FILIP1: variants seen among roughly 807,000 people sequenced by gnomAD.
FILIP1 encodes filamin-A-interacting protein 1.
Under a neutral mutation model 102.1 loss-of-function variants are expected in FILIP1, and 61 were observed. That is an observed-to-expected ratio of 0.60 (90% CI 0.49 to 0.74). The LOEUF (loss-of-function observed/expected upper bound fraction) is 0.74. Among genes scored for constraint, FILIP1 ranks in the 30% least tolerant of loss-of-function variants. FILIP1 has a pLI of 0.00. For missense variants in FILIP1, 1,314 were observed against 1,441.2 expected (o/e 0.91, Z 1.43); for synonymous variants, 491 against 526.9 (o/e 0.93, Z 0.93).
At chr6:75,467,887 C>T (rs1449189878) in intron 1 of FILIP1, among the ~76,000 whole-genome samples, 2 of 152,166 alleles carry the variant, frequency 1.3e-5, no homozygotes, top group Admixed American at 1.3e-4. Context: ...GTGTTTGTTA[C>T]AGGAGAGCAG....
rs764200052 is a variant in FILIP1, at chr6:75,313,535, C to T, written c.2297G>A (p.Gly766Glu). The change falls in exon 5 of 6, where the codon GGG becomes GAG. Residue 766 changes from glycine (G) to glutamate (E), a missense_variant. By Grantham distance (98) the Gly-to-Glu change is moderately conservative (BLOSUM62 -2). This residue lies in a region of FILIP1 where 816 missense variants were observed against 913.1 expected (regional missense o/e 0.89). Transcript: ENST00000237172. The surrounding 1 kb of genome is among the most constrained non-coding windows in gnomAD (Gnocchi z 4.2). The part of the protein sequence containing the change: ...MEEENKNKNM[G>E]QEVLNLTKEL... ...TTTGGTCAGATTGAGAACCTCCTGC[C>T]CCATGTTTTTGTTCTTATTTTCTTC... 1 of 1,614,052 alleles carries T rather than the reference C, an allele frequency of 6.2e-7. No homozygotes were observed. The highest frequency in any genetic ancestry group is 1.1e-5 in the South Asian group (1 of 91,082).
intron 2 of FILIP1, among the ~76,000 whole-genome samples, chr6:75,365,774 A>C (rs915801933): frequency 3.3e-5 from 5 of 152,216 alleles, no homozygotes; most frequent in Non-Finnish European, 7.3e-5. Context: ...TAGTTTTACA[A>C]AGAGAAACAA....
Position 75,313,486 on chromosome 6 carries a change from G to A in FILIP1, c.2346C>T (p.Tyr782=), listed in dbSNP as rs1160002861. Residue 782 remains tyrosine, a synonymous_variant, in exon 5 of 6, where the codon TAC becomes TAT. Coordinates refer to ENST00000237172, the MANE Select transcript of FILIP1 (RefSeq NM_015687.5). This position sits in a 1 kb window ranked among gnomAD's most constrained non-coding sequence, Gnocchi z 4.2. ...TCACACTGGGCCTAAGAGCTCTGCT[G>A]TAGCGCTTGGAAAGCTCCAACTCTT... ...LTKELELSKR[Y]SRALRPSVNG... 1.2e-6 allele frequency: 2 copies of A among 1,614,212 alleles called. No homozygotes were observed. Among genetic ancestry groups the A allele is most frequent in the Admixed American group, 1.7e-5 (1 of 60,024 alleles).
intron 4 of FILIP1, among the ~76,000 whole-genome samples, chr6:75,338,231 T>C (rs1179278274): frequency 6.6e-6 from 1 of 152,264 alleles, no homozygotes; most frequent in Non-Finnish European, 1.5e-5. Context: ...AGTTGACCTC[T>C]TGTTTGCAGT....
At chr6:75,440,873 T>C (rs9341520) in intron 1 of FILIP1, among the ~76,000 whole-genome samples, 105,428 of 150,024 alleles carry the variant, frequency 0.7, 37,658 homozygotes, top group African/African-American at 0.86. Context: ...CGCTTGAACC[T>C]GGGAAGTGGA....
At chr6:75,319,602 T>G (rs1188705148) in intron 4 of FILIP1, 19 of 452,418 alleles carry the variant, frequency 4.2e-5, no homozygotes, top group South Asian at 2.4e-4. Context: ...AGGCCGAGGC[T>G]GGCGGATCAC....
At chr6:75,394,090 T>C (rs1325983340) in intron 2 of FILIP1, among the ~76,000 whole-genome samples, 1 of 152,182 alleles carries the variant, frequency 6.6e-6, no homozygotes, top group East Asian at 1.9e-4. Flanking sequence ...AGGTGATAGC[T>C]GCTTCTTGCA....
intron 1 of FILIP1, among the ~76,000 whole-genome samples, chr6:75,453,019 G>A (rs911444828): frequency 1.3e-5 from 2 of 152,232 alleles, no homozygotes; most frequent in East Asian, 1.9e-4. Context: ...TAAAGTGTTC[G>A]CTGTAATTTC....
chr6:75,454,688 A>G (rs1329157549), intron 1 of FILIP1, among the ~76,000 whole-genome samples: 1 of 152,244 alleles, frequency 6.6e-6, no homozygotes, highest in Non-Finnish European at 1.5e-5. Flanking sequence ...TATTTCTACA[A>G]TAGGCCTGAT....
intron 2 of FILIP1, among the ~76,000 whole-genome samples, chr6:75,406,722 C>T (rs1429049459): frequency 6.7e-6 from 1 of 149,700 alleles, no homozygotes; most frequent in Non-Finnish European, 1.5e-5. Context: ...TGTAGTGGCG[C>T]AACCTCGGCT....
At chr6:75,372,433 A>C (rs1582408341) in intron 2 of FILIP1, among the ~76,000 whole-genome samples, 4 of 150,854 alleles carry the variant, frequency 2.7e-5, no homozygotes, top group African/African-American at 9.7e-5. Flanking sequence ...TATGGCAAAA[A>C]AGAAAAAAAA....
chr6:75,325,232 G>A (rs997268544), intron 4 of FILIP1, among the ~76,000 whole-genome samples: 6 of 152,166 alleles, frequency 3.9e-5, no homozygotes, highest in African/African-American at 1.4e-4. Context: ...GACCAGCCTG[G>A]GCAATACGGT....
At chr6:75,366,419 G>A (rs1193874845) in intron 2 of FILIP1, among the ~76,000 whole-genome samples, 1 of 152,106 alleles carries the variant, frequency 6.6e-6, no homozygotes, top group African/African-American at 2.4e-5. Flanking sequence ...TAAAATATAG[G>A]AATAAAATTT....
chr6:75,481,868 A>G lies in FILIP1; in HGVS notation c.-7+11546T>C, dbSNP rs147191817. ...ATAGTGAGAGCTCTGTTGAAATTCA[A>G]CTCCTATGAAAAAGTGTCTGGAAAG... On this transcript the variant is annotated intron_variant, in intron 1 of 5. Coordinates refer to ENST00000237172, the MANE Select transcript of FILIP1 (RefSeq NM_015687.5). Among the ~76,000 whole-genome samples the G allele has an allele frequency of 2.8e-3, 431 of 152,302 alleles. 3 individuals are homozygous for G. The highest frequency in any genetic ancestry group is 9.9e-3 in the African/African-American group (413 of 41,566).
rs1433699237 is a variant in FILIP1, at chr6:75,313,446, C to T, written c.2386G>A (p.Val796Met). Residue 796 changes from valine to methionine, a missense_variant, in exon 5 of 6, where the codon GTG becomes ATG. Coordinates refer to ENST00000237172, the MANE Select transcript of FILIP1 (RefSeq NM_015687.5). The surrounding 1 kb of genome is among the most constrained non-coding windows in gnomAD (Gnocchi z 4.2). ...LRPSVNGRRM[V>M]DVPVTSTGVQ... ...CCAGTTGACGTCACAGGAACATCCA[C>T]CATTCTTCTTCCATTCACACTGGGC... The T allele has an allele frequency of 6.2e-7, 1 of 1,614,230 alleles. No individual in the cohort carries two copies. Among genetic ancestry groups the T allele is most frequent in the East Asian group, 2.2e-5 (1 of 44,884 alleles).
chr6:75,389,787 G>A (rs540191396), intron 2 of FILIP1, among the ~76,000 whole-genome samples: 18 of 151,788 alleles, frequency 1.2e-4, no homozygotes, highest in Admixed American at 2.6e-4. Flanking sequence ...TCTGGCTAGC[G>A]GTCTATCTAT....
At chr6:75,391,265 C>G (rs1776272124) in intron 2 of FILIP1, among the ~76,000 whole-genome samples, 1 of 152,120 alleles carries the variant, frequency 6.6e-6, no homozygotes, top group South Asian at 2.1e-4. Flanking sequence ...ATTGTACTCT[C>G]TTGGTCAAAT....
At chr6:75,485,563 T>C (rs549016644) in intron 1 of FILIP1, among the ~76,000 whole-genome samples, 1 of 152,326 alleles carries the variant, frequency 6.6e-6, no homozygotes, top group South Asian at 2.1e-4. Context: ...GCCACTGGCA[T>C]AAGAGAAAGC....
intron 1 of FILIP1, among the ~76,000 whole-genome samples, chr6:75,432,001 C>T (rs1251635119): frequency 2.0e-5 from 3 of 152,164 alleles, no homozygotes; most frequent in African/African-American, 4.8e-5. Context: ...GAACAAAAGT[C>T]CTAGCCAGGA....
Sources: gnomAD v4.1 joint callset for allele counts (sites outside exome capture counted in the v4.1 genomes callset) on GRCh38, gnomAD v4.1.1 for gene constraint, gnomAD v4.1.1 regional missense constraint, Gnocchi (gnomAD v3.1) non-coding constraint, MANE v1.5 for transcripts, NCBI Gene and HGNC (gene_info 2026-07-23, HGNC 2026-07-21) for gene names.